PRMT3: variants seen among roughly 807,000 people sequenced by gnomAD.
The protein encoded by PRMT3 is protein arginine N-methyltransferase 3.
PRMT3 carries 62 observed loss-of-function variants against 71.9 expected under a neutral mutation model. The ratio of observed to expected loss-of-function variants is 0.86; its 90% confidence interval spans 0.70 to 1.07. PRMT3 has a LOEUF of 1.07. Ranked by LOEUF, PRMT3 falls within the 50% of genes least tolerant of loss-of-function variation. PRMT3 has a pLI of 0.00. For missense variants in PRMT3, 663 were observed against 643.0 expected (o/e 1.03, Z -0.34); for synonymous variants, 213 against 220.4 (o/e 0.97, Z 0.30).
At chr11:20,421,551 G>T (rs949996647) in intron 9 of PRMT3, among the ~76,000 whole-genome samples, 4 of 152,002 alleles carry the variant, frequency 2.6e-5, no homozygotes, top group African/African-American at 9.7e-5. Flanking sequence ...ATTGTTTTCT[G>T]CAATCACTTA....
Position 20,454,824 on chromosome 11 carries a change from A to G in PRMT3, c.1072+2616A>G, listed in dbSNP as rs180815780. On this transcript the variant is annotated intron_variant, in intron 11 of 15. Transcript: ENST00000331079. ...TGATGGGACCACAATTTATTTTTAC[A>G]TGAGTTTAAGTTCAATTTATGTCTC... Among the ~76,000 whole-genome samples the G allele has an allele frequency of 1.1e-3, 167 of 152,216 alleles. 1 individual carries two copies. Among genetic ancestry groups the G allele is most frequent in the Non-Finnish European group, 5.4e-4 (37 of 67,962 alleles).
chr11:20,501,969 TTAA>T (rs1164634301), intron 15 of PRMT3, among the ~76,000 whole-genome samples: 18 of 152,192 alleles, frequency 1.2e-4, no homozygotes, highest in African/African-American at 4.1e-4. Context: ...TTGACAACAA[TTAA>T]TAATGATTTG....
rs745769102 is a variant in PRMT3, at chr11:20,493,970, G to T, written c.1398+1G>T. 1.9e-6 allele frequency: 3 copies of T among 1,583,016 alleles called. No homozygotes were observed. The highest frequency in any genetic ancestry group is 2.6e-6 in the Non-Finnish European group (3 of 1,156,770). On this transcript the variant is annotated splice_donor_variant, in intron 14 of 15. Coordinates refer to ENST00000331079, the MANE Select transcript of PRMT3 (RefSeq NM_005788.4). LOFTEE classifies it high-confidence loss of function. ...TTTTGAGAAGAATTGCCACAACAGG[G>T]TAAGTATCATGAATTATCTCATAAG...
At chr11:20,412,238 G>A (rs1849209423) in intron 9 of PRMT3, among the ~76,000 whole-genome samples, 1 of 151,960 alleles carries the variant, frequency 6.6e-6, no homozygotes, top group South Asian at 2.1e-4. Context: ...ATGCTAGATG[G>A]CCATGTTTAA....
chr11:20,470,230 G>A (rs568887665), intron 13 of PRMT3, among the ~76,000 whole-genome samples: 81 of 152,240 alleles, frequency 5.3e-4, no homozygotes, highest in African/African-American at 1.9e-3. Flanking sequence ...TAAAAATATG[G>A]TATTACAATT....
At chr11:20,397,349 G>A (rs568051120) in intron 6 of PRMT3, among the ~76,000 whole-genome samples, 9 of 152,250 alleles carry the variant, frequency 5.9e-5, no homozygotes, top group African/African-American at 1.7e-4. Flanking sequence ...TACAATCTGC[G>A]GTTGGCATTG....
At chr11:20,462,307 G>A (rs1850404520) in intron 12 of PRMT3, 140 bp downstream of exon 12, 9 of 605,820 alleles carry the variant, frequency 1.5e-5, no homozygotes, top group Non-Finnish European at 2.4e-5. Flanking sequence ...AACAAATTGA[G>A]GTCATAATAT....
At chr11:20,478,890 C>T (rs1850862120) in intron 13 of PRMT3, among the ~76,000 whole-genome samples, 1 of 152,188 alleles carries the variant, frequency 6.6e-6, no homozygotes, top group Admixed American at 6.5e-5. Flanking sequence ...ATTAAATTAG[C>T]TCTTAGTACT....
rs1289024488 is a variant in PRMT3 at position 20,509,273 on chromosome 11, CTT to C, written c.*861_*862del. On this transcript the variant is annotated 3_prime_UTR_variant, in exon 16 of 16. Coordinates refer to ENST00000331079, the MANE Select transcript of PRMT3 (RefSeq NM_005788.4). ...ATAAAATTTTAATAAAATGTATCAA[CTT>C]ATAAAATATTTTAAAAATATTGATA... is the stretch of plus-strand genomic sequence containing the variant. 1 of 9,820 alleles carries C rather than the reference CTT, an allele frequency of 1.0e-4. No individual in the cohort carries two copies. The highest frequency in any genetic ancestry group is 1.5e-4 in the African/African-American group (1 of 6,462). The allele number at this position is 9,820 out of a possible 1,614,324, so 0.6% of individuals were successfully genotyped here. A position where few individuals can be genotyped will look rare whatever the true frequency, so the allele number is the denominator to read the frequency against.
At chr11:20,480,478 G>A (rs1850904567) in intron 13 of PRMT3, among the ~76,000 whole-genome samples, 2 of 152,214 alleles carry the variant, frequency 1.3e-5, no homozygotes, top group Admixed American at 1.3e-4. Context: ...GCTGGGACAT[G>A]TAGATCATAG....
chr11:20,439,503 G>C (rs116877090), intron 10 of PRMT3, among the ~76,000 whole-genome samples: 3 of 152,260 alleles, frequency 2.0e-5, no homozygotes, highest in Non-Finnish European at 2.9e-5. Context: ...TGTTCTTGCT[G>C]TCTTTGTGAA....
At chr11:20,436,328 A>C (rs1316648469) in intron 10 of PRMT3, among the ~76,000 whole-genome samples, 2 of 152,162 alleles carry the variant, frequency 1.3e-5, no homozygotes, top group East Asian at 3.8e-4. Context: ...TATTATGTTG[A>C]ATAAAAGTGG....
chr11:20,405,675 C>T (rs1332833500), intron 8 of PRMT3: 1 of 152,056 alleles, frequency 6.6e-6, no homozygotes, highest in Non-Finnish European at 1.5e-5. Flanking sequence ...TATGGATAGT[C>T]TTACAAAAAA....
chr11:20,396,087 T>C, intron 6 of PRMT3, 125 bp downstream of exon 6: 1 of 844,920 alleles, frequency 1.2e-6, no homozygotes, highest in Non-Finnish European at 1.8e-6. Context: ...TTTATCTTCA[T>C]ACTGTTAAAG....
rs1430066721 is a variant in PRMT3, at chr11:20,483,867, A to T, written c.1348-10052A>T. Reference sequence around the variant, plus strand: ...TCTTCTTGAAAGCCTTTCTAATACCATATGTATTGTATTAGTGGGAAGTAA... The same window carrying T: ...TCTTCTTGAAAGCCTTTCTAATACCTTATGTATTGTATTAGTGGGAAGTAA... On this transcript the variant is annotated intron_variant, in intron 13 of 15. Coordinates refer to ENST00000331079, the MANE Select transcript of PRMT3 (RefSeq NM_005788.4). 5.3e-5 allele frequency among the ~76,000 whole-genome samples: 8 copies of T among 152,272 alleles called. No homozygotes were observed. In the East Asian group the frequency reaches 1.5e-3, roughly 29 times the overall value.
At chr11:20,452,074 T>A in intron 10 of PRMT3, 56 bp from the exon 11 acceptor site, 1 of 1,246,452 alleles carries the variant, frequency 8.0e-7, no homozygotes, top group Non-Finnish European at 1.1e-6. Context: ...TAAATTGACC[T>A]GCTTATGAGA....
chr11:20,390,019 C>T (rs746445118), intron 3 of PRMT3, among the ~76,000 whole-genome samples, 193 bp downstream of exon 3: 12 of 152,084 alleles, frequency 7.9e-5, no homozygotes, highest in Admixed American at 3.3e-4. Flanking sequence ...GGTGTGGTGA[C>T]GCACACCTGT....
chr11:20,474,668 C>T (rs769462856), intron 13 of PRMT3, among the ~76,000 whole-genome samples: 2 of 152,220 alleles, frequency 1.3e-5, no homozygotes, highest in Non-Finnish European at 2.9e-5. Context: ...CACTGCTTCC[C>T]TTAGCTGGGA....
intron 9 of PRMT3, among the ~76,000 whole-genome samples, chr11:20,416,781 C>A (rs1194474214): frequency 6.6e-6 from 1 of 152,134 alleles, no homozygotes; most frequent in African/African-American, 2.4e-5. Flanking sequence ...CATAGAATAG[C>A]CCGTTATGGT....
Sources: allele counts gnomAD v4.1 joint callset (sites outside exome capture counted in the v4.1 genomes callset), GRCh38; gene constraint gnomAD v4.1.1; transcripts MANE v1.5; gene names NCBI Gene and HGNC (gene_info 2026-07-23, HGNC 2026-07-21).